Variants in SLC24A4 observed in about 807,000 individuals in gnomAD.
SLC24A4 encodes sodium/potassium/calcium exchanger 4.
Under a neutral mutation model 79.0 loss-of-function variants are expected in SLC24A4, and 53 were observed. The ratio of observed to expected loss-of-function variants is 0.67; its 90% CI spans 0.54 to 0.84. The LOEUF (loss-of-function observed/expected upper bound fraction) is 0.84. SLC24A4 is among the 40% of genes least tolerant of loss of function. SLC24A4 has a pLI of 0.00. For missense variants in SLC24A4, 731 were observed against 822.0 expected (o/e 0.89, Z 1.35); for synonymous variants, 323 against 323.8 (o/e 1.00, Z 0.03).
intron 4 of SLC24A4, 111 bp downstream of exon 4, chr14:92,439,520 C>T: frequency 1.0e-6 from 1 of 989,050 alleles, no homozygotes; most frequent in Non-Finnish European, 1.6e-6. Flanking sequence ...GTGGCAAAGA[C>T]TGTCACACCG....
At chr14:92,483,753 A>G in intron 13 of SLC24A4, 3 of 1,290,040 alleles carry the variant, frequency 2.3e-6, no homozygotes, top group Non-Finnish European at 3.0e-6. Context: ...AAGCAGTTCC[A>G]GCATGGCTGC....
chr14:92,379,996 A>G (rs1471337447), intron 2 of SLC24A4, among the ~76,000 whole-genome samples: 2 of 152,136 alleles, frequency 1.3e-5, no homozygotes, highest in Admixed American at 6.5e-5. Context: ...GTACTGGGGT[A>G]GTGTCCCCCT....
At chr14:92,399,908 G>A (rs542182204) in intron 2 of SLC24A4, among the ~76,000 whole-genome samples, 6 of 152,128 alleles carry the variant, frequency 3.9e-5, no homozygotes, top group African/African-American at 1.2e-4. Context: ...TGTTTCTTGG[G>A]GGGTTTTTTG....
chr14:92,380,442 T>C (rs1056681912), intron 2 of SLC24A4, among the ~76,000 whole-genome samples: 1 of 152,072 alleles, frequency 6.6e-6, no homozygotes, highest in Non-Finnish European at 1.5e-5. Context: ...CCCCCTTAGA[T>C]CCATACTGGG....
At chr14:92,382,019 G>A (rs192901285) in intron 2 of SLC24A4, among the ~76,000 whole-genome samples, 6 of 152,076 alleles carry the variant, frequency 3.9e-5, no homozygotes, top group East Asian at 1.9e-4. Flanking sequence ...TCTTATTGTA[G>A]CGATTCAAAC....
In SLC24A4 at chr14:92,439,336, C is replaced by T. The variant is rs893649442; in HGVS notation, c.320C>T (p.Ala107Val). Residue 107 changes from alanine to valine, a missense_variant and splice_region_variant, in exon 4 of 17, where the codon GCT becomes GTT. Coordinates refer to ENST00000532405, the MANE Select transcript of SLC24A4 (RefSeq NM_153646.4). The stretch of plus-strand genomic sequence containing the variant: ...GCCTGTCTCCTCTCTCCTTTGCAGG[C>T]TCTGTATATGTTCTATGCCTTGGCC... ...HGAVLLHILG[A>V]LYMFYALAIV... 1.2e-5 allele frequency: 20 copies of T among 1,612,606 alleles called. No homozygotes were observed. The highest frequency in any genetic ancestry group is 1.7e-5 in the Non-Finnish European group (20 of 1,178,736).
At chr14:92,335,055 C>T (rs1885703763) in intron 2 of SLC24A4, among the ~76,000 whole-genome samples, 1 of 152,152 alleles carries the variant, frequency 6.6e-6, no homozygotes, top group Non-Finnish European at 1.5e-5. Context: ...GAAAGAAACC[C>T]AAACTAGTCC....
At chr14:92,410,373 T>G (rs921420462) in intron 2 of SLC24A4, among the ~76,000 whole-genome samples, 1 of 151,918 alleles carries the variant, frequency 6.6e-6, no homozygotes, top group Non-Finnish European at 1.5e-5. Context: ...AGAGACGGAG[T>G]CTTCTTATGT....
At chr14:92,440,212 C>G (rs1036421622) in intron 4 of SLC24A4, among the ~76,000 whole-genome samples, 4 of 152,124 alleles carry the variant, frequency 2.6e-5, no homozygotes, top group African/African-American at 9.7e-5. Context: ...CCTGGGCCCC[C>G]CAAGCGGTGA....
chr14:92,361,126 G>A (rs1887486924), intron 2 of SLC24A4, among the ~76,000 whole-genome samples: 1 of 152,130 alleles, frequency 6.6e-6, no homozygotes, highest in African/African-American at 2.4e-5. Context: ...TGTGCCCATG[G>A]TTGTGGAGCA....
chr14:92,360,126 A>G (rs545228567), intron 2 of SLC24A4, among the ~76,000 whole-genome samples: 78 of 152,262 alleles, frequency 5.1e-4, no homozygotes, highest in Non-Finnish European at 5.1e-4. Flanking sequence ...AGTTCACCAT[A>G]TTGGCCATGA....
chr14:92,485,666 T>TAA (rs796811214), intron 13 of SLC24A4, among the ~76,000 whole-genome samples: 4 of 144,946 alleles, frequency 2.8e-5, no homozygotes, highest in East Asian at 4.0e-4. Flanking sequence ...ACATTACAAG[T>TAA]AAAAAAAAAA....
intron 7 of SLC24A4, 76 bp from the exon 8 acceptor site, chr14:92,445,241 C>T: frequency 1.3e-6 from 2 of 1,561,456 alleles, no homozygotes; most frequent in South Asian, 2.2e-5. Flanking sequence ...CTCTGGGTGC[C>T]TGGGTGTCCG....
At chr14:92,491,935 C>T (rs1595367154) in intron 15 of SLC24A4, among the ~76,000 whole-genome samples, 158 bp downstream of exon 15, 1 of 152,326 alleles carries the variant, frequency 6.6e-6, no homozygotes, top group East Asian at 1.9e-4. Context: ...GGGATGTCTA[C>T]ACTTCCACTC....
Position 92,447,439 on chromosome 14 carries a change from T to C in SLC24A4, c.737+15T>C, listed in dbSNP as rs202016481. The C allele has an allele frequency of 1.0e-4, 167 of 1,613,502 alleles. No individual in the cohort carries two copies. Among genetic ancestry groups the C allele is most frequent in the Non-Finnish European group, 1.3e-4 (158 of 1,179,600 alleles). On this transcript the variant is annotated intron_variant, in intron 9 of 16. Transcript: ENST00000532405. ...CTGATCATGAAGTAAGTGCCCTTTC[T>C]CCTCCCCGGGGCTGCCGACGCCTTG... is the stretch of plus-strand genomic sequence containing the variant.
intron 2 of SLC24A4, among the ~76,000 whole-genome samples, chr14:92,416,131 G>A (rs1340277157): frequency 5.3e-5 from 7 of 130,938 alleles, no homozygotes; most frequent in Non-Finnish European, 7.8e-5. Flanking sequence ...TGGTGTGTGT[G>A]TGTGTGTGTG....
At chr14:92,373,526 G>A (rs1422318754) in intron 2 of SLC24A4, among the ~76,000 whole-genome samples, 1 of 152,154 alleles carries the variant, frequency 6.6e-6, no homozygotes, top group Non-Finnish European at 1.5e-5. Context: ...AGAATTTTAT[G>A]AAATGTCCTC....
chr14:92,423,038 T>G (rs1891366787), intron 2 of SLC24A4, among the ~76,000 whole-genome samples: 1 of 152,242 alleles, frequency 6.6e-6, no homozygotes, highest in Non-Finnish European at 1.5e-5. Flanking sequence ...CTTGAACTCC[T>G]GGACTCAAGC....
intron 2 of SLC24A4, among the ~76,000 whole-genome samples, chr14:92,357,109 T>G (rs1268339845): frequency 2.0e-5 from 3 of 152,228 alleles, no homozygotes; most frequent in African/African-American, 7.2e-5. Context: ...TTTCCCCGTT[T>G]CTTGAGACTT....
Sources: gnomAD v4.1 joint callset for allele counts (sites outside exome capture counted in the v4.1 genomes callset) on GRCh38, gnomAD v4.1.1 for gene constraint, MANE v1.5 for transcripts, NCBI Gene and HGNC (gene_info 2026-07-23, HGNC 2026-07-21) for gene names.